The following EIF3A variants were observed in gnomAD, a reference collection of about 807,000 sequenced individuals.
EIF3A encodes EIF3, p180 subunit.
EIF3A carries 21 observed loss-of-function variants against 186.6 expected under a neutral mutation model. The ratio of observed to expected loss-of-function variants is 0.11; its 90% CI spans 0.08 to 0.16. The LOEUF (loss-of-function observed/expected upper bound fraction) is 0.16. EIF3A is among the 10% of genes least tolerant of loss of function. The probability of loss-of-function intolerance (pLI) is 1.00; values close to 1 mark genes in which losing one functional copy is unlikely to be tolerated. For synonymous variants in EIF3A, 563 were observed against 584.3 expected, an observed-to-expected ratio of 0.96 and a Z score of 0.52; for missense variants, 1,306 against 1,796.3, an observed-to-expected ratio of 0.73 and a Z score of 4.93.
chr10:119,061,378 TA>T, intron 7 of EIF3A, 50 bp from the exon 8 acceptor site: 1 of 858,882 alleles, frequency 1.2e-6, no homozygotes. Context: ...ATTTTCCAAC[TA>T]AAATTCTGAA....
At chr10:119,077,450 C>G (rs1240965767) in intron 1 of EIF3A, among the ~76,000 whole-genome samples, 1 of 151,848 alleles carries the variant, frequency 6.6e-6, no homozygotes, top group East Asian at 1.9e-4. Context: ...GATTCTGTCT[C>G]AAATAAATAA....
chr10:119,050,104 A>C, intron 16 of EIF3A, 119 bp from the exon 17 acceptor site: 1 of 998,312 alleles, frequency 1.0e-6, no homozygotes, highest in East Asian at 2.4e-5. Context: ...ATTTGAAAAT[A>C]GTTTGTAATC....
chr10:119,064,520 T>C (rs1843940819), intron 7 of EIF3A, among the ~76,000 whole-genome samples: 1 of 152,126 alleles, frequency 6.6e-6, no homozygotes, highest in Non-Finnish European at 1.5e-5. Flanking sequence ...GTGTGGTACC[T>C]TCCCCCTCTG....
intron 14 of EIF3A, among the ~76,000 whole-genome samples, chr10:119,051,869 A>G (rs1848360933): frequency 6.6e-6 from 1 of 152,244 alleles, no homozygotes; most frequent in Non-Finnish European, 1.5e-5. Flanking sequence ...CTGTTCTCAA[A>G]GAAAACAAAA....
chr10:119,037,477 C>T (rs992550707), intron 20 of EIF3A, among the ~76,000 whole-genome samples, 168 bp from the exon 21 acceptor site: 1 of 152,174 alleles, frequency 6.6e-6, no homozygotes, highest in Non-Finnish European at 1.5e-5. Context: ...AATGAGAACA[C>T]CCAGATCTGT....
At chr10:119,044,612 G>T (rs1848257409) in intron 17 of EIF3A, among the ~76,000 whole-genome samples, 1 of 152,202 alleles carries the variant, frequency 6.6e-6, no homozygotes, top group Middle Eastern at 3.2e-3. Flanking sequence ...AGTTTGGAAG[G>T]CCGAGGCAGG....
chr10:119,052,368 T>TTTTGTGTGTGTGTGTGTGTGTGTGTG (rs140398720), intron 14 of EIF3A, among the ~76,000 whole-genome samples: 3 of 122,972 alleles, frequency 2.4e-5, no homozygotes, highest in South Asian at 2.6e-4. Context: ...TTTTTTGGTT[T>TTTTGTGTGTGTGTGTGTGTGTGTGTG]TGTGTGTGTG....
At position 119,074,804 on chromosome 10, in the gene EIF3A, A is replaced by G. The variant is rs1385161434; in HGVS notation, c.50-867T>C. The stretch of plus-strand genomic sequence containing the variant: ...CAAAATTAGCAGGGCGTAGTGGTGC[A>G]TGCCTGCGGAGGCTGAGGCAGGGGA... On this transcript the variant is annotated intron_variant, in intron 1 of 21. Coordinates refer to ENST00000369144, the MANE Select transcript of EIF3A (RefSeq NM_003750.4). 4.2e-4 allele frequency among the ~76,000 whole-genome samples: 62 copies of G among 148,504 alleles called. 2 individuals carry two copies. The Admixed American group carries it at 4.2e-3, about 10-fold the overall frequency.
chr10:119,074,572 A>T (rs1490622423), intron 1 of EIF3A, among the ~76,000 whole-genome samples: 1 of 151,528 alleles, frequency 6.6e-6, no homozygotes, highest in Non-Finnish European at 1.5e-5. Flanking sequence ...GAAACTATGC[A>T]CTCTCTTTGC....
In EIF3A at chr10:119,042,568, A is replaced by T. The variant is rs138166626; in HGVS notation, c.2952T>A (p.Asp984Glu). The T allele has an allele frequency of 2.3e-4, 368 of 1,613,934 alleles. 1 individual carries two copies. Among genetic ancestry groups the T allele is most frequent in the Non-Finnish European group, 6.2e-5 (73 of 1,180,032 alleles). Residue 984 changes from aspartate to glutamate, a missense_variant, in exon 19 of 22, where the codon GAT becomes GAA. Physicochemically the swap from Asp to Glu is conservative, Grantham distance 45. Around this residue, in one of 8 missense-constraint regions of EIF3A, gnomAD observed 410 missense variants for 473.5 expected, o/e 0.87. Transcript: ENST00000369144. The surrounding 1 kb of genome is among the most constrained non-coding windows in gnomAD (Gnocchi z 7.8). ...CTGTGTTACGCCAGGAAGGCCGGTC[A>T]TCGTCTGCCCCACGACGAGAGAACC... ...EDRFSRRGADDDRPSWRNTDD... is the reference protein window; with the variant it reads ...EDRFSRRGADEDRPSWRNTDD...
intron 1 of EIF3A, among the ~76,000 whole-genome samples, chr10:119,076,655 A>C (rs1374983089): frequency 6.6e-6 from 1 of 152,072 alleles, no homozygotes; most frequent in African/African-American, 2.4e-5. Flanking sequence ...AAAATGTAAC[A>C]GTACAGCCAG....
rs571290411 is a variant in EIF3A, at chr10:119,049,711, G to C, written c.2658+90C>G. On this transcript the variant is annotated intron_variant, in intron 17 of 21. Coordinates refer to ENST00000369144, the MANE Select transcript of EIF3A (RefSeq NM_003750.4). ...GATTGCACCACTGTACTCCAGCCTG[G>C]GCAACCTGGGCGACAGAGCAAGACT... 7.4e-5 allele frequency: 87 copies of C among 1,181,492 alleles called. No homozygotes were observed. In the African/African-American group the frequency reaches 1.3e-3, roughly 18 times the overall value. The allele number at this position is 1,181,492 out of a possible 1,614,324, so 73.2% of individuals were successfully genotyped here.
intron 7 of EIF3A, among the ~76,000 whole-genome samples, chr10:119,062,944 CG>C (rs1333262013): frequency 6.6e-6 from 1 of 150,378 alleles, no homozygotes; most frequent in Non-Finnish European, 1.5e-5. Context: ...TTAGTAGAGA[CG>C]GGGTTTCACC....
Position 119,033,856 on chromosome 10 carries a change from GGTCA to G in EIF3A, c.*2179_*2182del, listed in dbSNP as rs1242232191. 4.0e-5 allele frequency: 6 copies of G among 151,236 alleles called. No homozygotes were observed. Among genetic ancestry groups the G allele is most frequent in the Admixed American group, 8.3e-5 (1 of 11,982 alleles). 9.4% of individuals were successfully genotyped at this position (151,236 alleles called of 1,614,324 possible). On this transcript the variant is annotated 3_prime_UTR_variant, in exon 22 of 22. Coordinates refer to ENST00000369144, the MANE Select transcript of EIF3A (RefSeq NM_003750.4). ...CTTATAAAAGTATAAGTCAATCTAT[GGTCA>G]GTGTCTTTGGTTAAAAAAAAAAAAA...
At chr10:119,041,005 CAAAAAAAAAAA>C (rs34452005) in intron 19 of EIF3A, among the ~76,000 whole-genome samples, 5 of 78,730 alleles carry the variant, frequency 6.4e-5, no homozygotes, top group East Asian at 3.5e-4. Flanking sequence ...ACTCCGTCTC[CAAAAAAAAAAA>C]AAAAAAAAAA....
At chr10:119,072,632 T>A (rs1449217208) in intron 4 of EIF3A, among the ~76,000 whole-genome samples, 2 of 152,122 alleles carry the variant, frequency 1.3e-5, no homozygotes, top group African/African-American at 4.8e-5. Context: ...TTTTTGTATT[T>A]TTAGTAGAGA....
chr10:119,054,981 G>A (rs546001913), intron 14 of EIF3A, among the ~76,000 whole-genome samples: 2 of 152,094 alleles, frequency 1.3e-5, no homozygotes, highest in Non-Finnish European at 1.5e-5. Context: ...AGGCTGAGGC[G>A]AACAGAACAC....
At position 119,080,772 on chromosome 10, in the gene EIF3A, G is replaced by A; in HGVS notation, c.-96C>T. The A allele has an allele frequency of 2.7e-6, 4 of 1,477,228 alleles. No individual in the cohort carries two copies. The South Asian group carries it at 5.2e-5, about 19-fold the overall frequency. 91.5% of individuals were successfully genotyped at this position (1,477,228 alleles called of 1,614,324 possible). On this transcript the variant is annotated 5_prime_UTR_variant, in exon 1 of 22. Coordinates refer to ENST00000369144, the MANE Select transcript of EIF3A (RefSeq NM_003750.4). Reference sequence around the variant, plus strand: ...GGGGAACCAGCGTAAGGTCCCACGCGCCTCGCCAGCAGTCGCCCGCGCCCA... The same window carrying A: ...GGGGAACCAGCGTAAGGTCCCACGCACCTCGCCAGCAGTCGCCCGCGCCCA...
At position 119,080,808 on chromosome 10, in the gene EIF3A, G is replaced by A. The variant is rs555663837; in HGVS notation, c.-132C>T. ...AGTCGCCCGCGCCCAGCCGGCCAGAGACGGAAAGGAAGGAGCCACGTGACC... is the reference window on the plus strand; with the variant it reads ...AGTCGCCCGCGCCCAGCCGGCCAGAAACGGAAAGGAAGGAGCCACGTGACC... On this transcript the variant is annotated 5_prime_UTR_variant, in exon 1 of 22. Coordinates refer to ENST00000369144, the MANE Select transcript of EIF3A (RefSeq NM_003750.4). 7.1e-5 allele frequency: 101 copies of A among 1,422,696 alleles called. No individual in the cohort carries two copies. In the Admixed American group the frequency reaches 2.8e-3, roughly 40 times the overall value. The allele number at this position is 1,422,696 out of a possible 1,614,324, so 88.1% of individuals were successfully genotyped here. A position where few individuals can be genotyped will look rare whatever the true frequency, so the allele number is the denominator to read the frequency against.
Sources: allele counts gnomAD v4.1 joint callset (sites outside exome capture counted in the v4.1 genomes callset), GRCh38; gene constraint gnomAD v4.1.1; regional missense constraint gnomAD v4.1.1; non-coding constraint Gnocchi (gnomAD v3.1); transcripts MANE v1.5; gene names NCBI Gene and HGNC (gene_info 2026-07-23, HGNC 2026-07-21).